Variants in MAP2 observed in about 807,000 individuals in gnomAD.
MAP2 encodes microtubule-associated protein 2.
Under a neutral mutation model 137.6 loss-of-function variants are expected in MAP2, and 14 were observed. The observed-to-expected ratio is 0.10, with a 90% confidence interval of 0.07 to 0.16. The LOEUF (loss-of-function observed/expected upper bound fraction) is 0.16. Ranked by LOEUF, MAP2 falls within the 10% of genes least tolerant of loss-of-function variation. The pLI is 1.00. For missense variants in MAP2, 2,088 were observed against 2,191.5 expected, an observed-to-expected ratio of 0.95 and a Z score of 0.94; for synonymous variants, 786 against 782.3, an observed-to-expected ratio of 1.00 and a Z score of -0.08.
At chr2:209,524,143 T>C (rs2063676765) in intron 2 of MAP2, among the ~76,000 whole-genome samples, 1 of 152,134 alleles carries the variant, frequency 6.6e-6, no homozygotes, top group Non-Finnish European at 1.5e-5. Context: ...TCTAGAAAGG[T>C]TGGCATGGAA....
chr2:209,615,946 C>G (rs2089174213), intron 3 of MAP2, among the ~76,000 whole-genome samples: 1 of 152,216 alleles, frequency 6.6e-6, no homozygotes, highest in African/African-American at 2.4e-5. Context: ...ATTCTGAGTT[C>G]ATAAAAGGCC....
At chr2:209,521,698 C>G (rs2150399232) in intron 2 of MAP2, among the ~76,000 whole-genome samples, 1 of 152,106 alleles carries the variant, frequency 6.6e-6, no homozygotes, top group East Asian at 1.9e-4. Context: ...ACATCAAAAG[C>G]ACATTCATGA....
chr2:209,493,386 T>C (rs2059372077), intron 1 of MAP2, among the ~76,000 whole-genome samples: 1 of 152,092 alleles, frequency 6.6e-6, no homozygotes, highest in South Asian at 2.1e-4. Flanking sequence ...ACTTCATGAC[T>C]AAAACACCAA....
chr2:209,639,876 C>T (rs986832533), intron 4 of MAP2, among the ~76,000 whole-genome samples: 1 of 152,024 alleles, frequency 6.6e-6, no homozygotes, highest in Non-Finnish European at 1.5e-5. Flanking sequence ...TAAACACAGC[C>T]CTTCCTCCAG....
At chr2:209,494,498 A>C (rs2059512749) in intron 1 of MAP2, among the ~76,000 whole-genome samples, 2 of 152,044 alleles carry the variant, frequency 1.3e-5, no homozygotes, top group Non-Finnish European at 2.9e-5. Context: ...ACCTTTGGTC[A>C]TCCTCACTGC....
chr2:209,461,277 T>C lies in MAP2; in HGVS notation c.-222+37001T>C, dbSNP rs561534603. Among the ~76,000 whole-genome samples, 10 of 152,300 alleles carry C rather than the reference T, an allele frequency of 6.6e-5. No individual in the cohort carries two copies. In the East Asian group the frequency reaches 1.9e-3, roughly 29 times the overall value. ...TTTGAGTTAAATAAATGTAATAAAA[T>C]TTGAAATTTAGTTACTCAGTTGCAC... On this transcript the variant is annotated intron_variant, in intron 1 of 15. Coordinates refer to ENST00000682079, the MANE Select transcript of MAP2 (RefSeq NM_001375505.1).
intron 1 of MAP2, among the ~76,000 whole-genome samples, chr2:209,464,304 A>G (rs1429580371): frequency 6.6e-6 from 1 of 152,086 alleles, no homozygotes; most frequent in African/African-American, 2.4e-5. Flanking sequence ...AAAATAATAT[A>G]GTTTATATTA....
chr2:209,482,089 A>G (rs946887708), intron 1 of MAP2, among the ~76,000 whole-genome samples: 4 of 152,206 alleles, frequency 2.6e-5, no homozygotes, highest in African/African-American at 9.6e-5. Flanking sequence ...ATTAGACCAA[A>G]ATCTCAAAGA....
intron 2 of MAP2, among the ~76,000 whole-genome samples, chr2:209,571,701 T>A (rs1003147632): frequency 2.6e-5 from 4 of 152,008 alleles, no homozygotes; most frequent in African/African-American, 9.7e-5. Flanking sequence ...AAAAAGAAGT[T>A]TGGTTTATTT....
At chr2:209,432,676 T>A (rs1436564878) in intron 1 of MAP2, among the ~76,000 whole-genome samples, 1 of 152,084 alleles carries the variant, frequency 6.6e-6, no homozygotes, top group Non-Finnish European at 1.5e-5. Context: ...TCCATCAGAG[T>A]CAGAGTGACT....
intron 5 of MAP2, among the ~76,000 whole-genome samples, chr2:209,656,400 T>C (rs1487817245): frequency 1.3e-5 from 2 of 151,836 alleles, no homozygotes; most frequent in African/African-American, 2.4e-5. Context: ...TCCCAGCTAC[T>C]CAAGAGGCAA....
intron 2 of MAP2, among the ~76,000 whole-genome samples, chr2:209,513,398 C>T (rs753429606): frequency 3.3e-5 from 5 of 152,068 alleles, no homozygotes; most frequent in Non-Finnish European, 2.9e-5. Context: ...TACACTTATG[C>T]GTGCTGTCTC....
chr2:209,689,447 T>A (rs2058183729), intron 7 of MAP2, among the ~76,000 whole-genome samples: 1 of 152,170 alleles, frequency 6.6e-6, no homozygotes, highest in African/African-American at 2.4e-5. Flanking sequence ...TTTGTAAGAA[T>A]CTTCCATTTA....
intron 7 of MAP2, chr2:209,684,593 T>C (rs2056262998): frequency 6.6e-6 from 1 of 152,228 alleles, no homozygotes; most frequent in Non-Finnish European, 1.5e-5. Context: ...AATTTTCAAA[T>C]GCTTTATTTA....
chr2:209,705,421 A>G (rs2063117428), intron 11 of MAP2, 159 bp from the exon 12 acceptor site: 1 of 494,298 alleles, frequency 2.0e-6, no homozygotes, highest in South Asian at 6.6e-5. Flanking sequence ...ACTCTTTCTA[A>G]GTTATAAAGT....
chr2:209,679,145 C>T (rs2053329173), intron 6 of MAP2, among the ~76,000 whole-genome samples: 4 of 152,012 alleles, frequency 2.6e-5, no homozygotes, highest in Admixed American at 2.6e-4. Flanking sequence ...TTGTTATAAT[C>T]GTGAGTGACT....
intron 1 of MAP2, among the ~76,000 whole-genome samples, chr2:209,432,441 C>T (rs1694546507): frequency 6.6e-6 from 1 of 152,050 alleles, no homozygotes; most frequent in Non-Finnish European, 1.5e-5. Flanking sequence ...GCTGCTTAAG[C>T]GTTATGGAAT....
In MAP2 at chr2:209,628,338, TA is replaced by T. The variant is rs960647046; in HGVS notation, c.-30+3212del. On this transcript the variant is annotated intron_variant, in intron 4 of 15. Coordinates refer to ENST00000682079, the MANE Select transcript of MAP2 (RefSeq NM_001375505.1). ...CGAGATATTTTTCACACAAAAACCT[TA>T]AATATTACAGTGCAGTGGTTAGCAA... Among the ~76,000 whole-genome samples, 48 of 152,246 alleles carry T rather than the reference TA, an allele frequency of 3.2e-4. 1 individual carries two copies. The highest frequency in any genetic ancestry group is 1.1e-3 in the African/African-American group (44 of 41,546).
At chr2:209,685,110 G>A (rs2056510473) in intron 7 of MAP2, among the ~76,000 whole-genome samples, 1 of 151,994 alleles carries the variant, frequency 6.6e-6, no homozygotes, top group Non-Finnish European at 1.5e-5. Flanking sequence ...GTTTATGTCT[G>A]GAGAAGTGGC....
Sources: gnomAD v4.1 joint callset for allele counts (sites outside exome capture counted in the v4.1 genomes callset) on GRCh38, gnomAD v4.1.1 for gene constraint, MANE v1.5 for transcripts, NCBI Gene and HGNC (gene_info 2026-07-23, HGNC 2026-07-21) for gene names.